Variants in GNG7 observed in about 807,000 individuals in gnomAD.
GNG7 encodes the protein guanine nucleotide-binding protein G(I)/G(S)/G(O) subunit gamma-7.
In GNG7, 1 loss-of-function variant was observed where a neutral mutation model predicts 4.0. That is an observed-to-expected ratio of 0.25 (90% CI 0.09 to 1.18). GNG7 has a LOEUF of 1.18. GNG7 is among the 50% of genes most tolerant of loss of function. The pLI is 0.50. For synonymous variants in GNG7, 34 were observed against 36.9 expected (o/e 0.92, Z 0.29); for missense variants, 86 against 91.9 (o/e 0.94, Z 0.26).
chr19:2,655,188 CAAA>C (rs57555514), intron 1 of GNG7, among the ~76,000 whole-genome samples: 1 of 59,934 alleles, frequency 1.7e-5, no homozygotes. Flanking sequence ...GACTCTGTCT[CAAA>C]AAAAAAAAAA....
rs989438150 is a variant in GNG7 at position 2,626,342 on chromosome 19, CT to C, written c.-78+19881del. Among the ~76,000 whole-genome samples the C allele has an allele frequency of 1.1e-4, 16 of 152,336 alleles. No individual in the cohort carries two copies. Among genetic ancestry groups the C allele is most frequent in the Admixed American group, 9.8e-4 (15 of 15,304 alleles). On this transcript the variant is annotated intron_variant, in intron 2 of 4. Coordinates refer to ENST00000382159, the MANE Select transcript of GNG7 (RefSeq NM_052847.3). The surrounding 1 kb of genome is among the most constrained non-coding windows in gnomAD (Gnocchi z 5.0). Reference sequence around the variant, plus strand: ...AGGAGGCTGGGGCATCTCTCACCCCCTCTGTGCCTCAGTTTCCTAATCTGTC... The same window carrying C: ...AGGAGGCTGGGGCATCTCTCACCCCCCTGTGCCTCAGTTTCCTAATCTGTC...
At chr19:2,524,916 G>C (rs1196395757) in intron 3 of GNG7, among the ~76,000 whole-genome samples, 1 of 152,202 alleles carries the variant, frequency 6.6e-6, no homozygotes, top group East Asian at 1.9e-4. Context: ...GTGCGTGTGT[G>C]TGCGCACGGG....
intron 3 of GNG7, among the ~76,000 whole-genome samples, chr19:2,540,084 C>G (rs1252169301): frequency 2.3e-5 from 3 of 132,092 alleles, no homozygotes; most frequent in Non-Finnish European, 4.8e-5. Flanking sequence ...CTCTCTCTCT[C>G]TCTCTGTTTC....
In GNG7 at chr19:2,568,050, TAC is replaced by T. The variant is rs1213512385; in HGVS notation, c.-77-12864_-77-12863del. Among the ~76,000 whole-genome samples the T allele has an allele frequency of 1.6e-4, 24 of 151,092 alleles. No individual in the cohort carries two copies. The East Asian group carries it at 4.5e-3, about 28-fold the overall frequency. ...AAGCACACATGCACACACGTGCAGA[TAC>T]ACACACATATAGACATACACACATA... On this transcript the variant is annotated intron_variant, in intron 2 of 4. Coordinates refer to ENST00000382159, the MANE Select transcript of GNG7 (RefSeq NM_052847.3).
chr19:2,639,000 G>A (rs1335625300), intron 2 of GNG7, among the ~76,000 whole-genome samples: 1 of 152,116 alleles, frequency 6.6e-6, no homozygotes, highest in African/African-American at 2.4e-5. Context: ...ATTTTGGGAG[G>A]CTGAGGCAGA....
At chr19:2,577,695 C>T (rs1373125523) in intron 2 of GNG7, among the ~76,000 whole-genome samples, 2 of 47,226 alleles carry the variant, frequency 4.2e-5, no homozygotes, top group African/African-American at 1.1e-4. Flanking sequence ...AGCAAGATTC[C>T]ATCTCAAAAA....
In GNG7 at chr19:2,567,490, A is replaced by G. The variant is rs912029472; in HGVS notation, c.-77-12302T>C. 2.0e-4 allele frequency among the ~76,000 whole-genome samples: 31 copies of G among 151,954 alleles called. 1 individual carries two copies. Among genetic ancestry groups the G allele is most frequent in the Non-Finnish European group, 4.1e-4 (28 of 67,968 alleles). On this transcript the variant is annotated intron_variant, in intron 2 of 4. Coordinates refer to ENST00000382159, the MANE Select transcript of GNG7 (RefSeq NM_052847.3). Reference sequence around the variant, plus strand: ...ACAGGTGCACACTACCACACCAGCTAATTTTTGCATTTTTTTGTATAGATG... The same window carrying G: ...ACAGGTGCACACTACCACACCAGCTGATTTTTGCATTTTTTTGTATAGATG...
At chr19:2,552,504 C>A (rs529407150) in intron 3 of GNG7, among the ~76,000 whole-genome samples, 46 of 152,196 alleles carry the variant, frequency 3.0e-4, no homozygotes, top group African/African-American at 1.1e-3. Flanking sequence ...CCTACCTCAG[C>A]CTCCCAAGTA....
chr19:2,537,047 C>T (rs554937274), intron 3 of GNG7, among the ~76,000 whole-genome samples: 152 of 150,830 alleles, frequency 1.0e-3, no homozygotes, highest in Non-Finnish European at 1.4e-3. Context: ...CCCGGGTTCA[C>T]GCCATTCTCC....
chr19:2,614,063 G>A lies in GNG7; in HGVS notation c.-78+32161C>T, dbSNP rs1981651416. Among the ~76,000 whole-genome samples, 2 of 152,208 alleles carry A rather than the reference G, an allele frequency of 1.3e-5. No individual in the cohort carries two copies. The highest frequency in any genetic ancestry group is 2.4e-5 in the African/African-American group (1 of 41,454). On this transcript the variant is annotated intron_variant, in intron 2 of 4. Transcript: ENST00000382159. This position sits in a 1 kb window ranked among gnomAD's most constrained non-coding sequence, Gnocchi z 6.0. ...CCCCGCGCCTACCCCCGGGGTAAAGGGGGCCAGCCTCGCACAGGTGGGTCC... is the reference window on the plus strand; with the variant it reads ...CCCCGCGCCTACCCCCGGGGTAAAGAGGGCCAGCCTCGCACAGGTGGGTCC...
chr19:2,591,904 G>A (rs1276741536), intron 2 of GNG7, among the ~76,000 whole-genome samples: 2 of 152,098 alleles, frequency 1.3e-5, no homozygotes, highest in African/African-American at 4.8e-5. Flanking sequence ...TCACATAACT[G>A]GCTGGCAAAA....
intron 2 of GNG7, among the ~76,000 whole-genome samples, chr19:2,606,453 G>A (rs183157782): frequency 2.0e-5 from 3 of 152,022 alleles, no homozygotes; most frequent in Admixed American, 1.3e-4. Context: ...TCAGGAGTTC[G>A]AGACCAGCCT....
chr19:2,678,979 T>A (rs1568282755), intron 1 of GNG7, among the ~76,000 whole-genome samples: 1 of 152,102 alleles, frequency 6.6e-6, no homozygotes, highest in Non-Finnish European at 1.5e-5. Context: ...AAGAACAGAC[T>A]TCATCGTTTT....
At chr19:2,547,114 C>T (rs542177125) in intron 3 of GNG7, among the ~76,000 whole-genome samples, 1 of 151,792 alleles carries the variant, frequency 6.6e-6, no homozygotes, top group Non-Finnish European at 1.5e-5. Context: ...TGCAAAGCCC[C>T]ACCGATGTCA....
In GNG7 at chr19:2,657,358, AAAAATATATATATATATATATAT is replaced by A. The variant is rs1219685045; in HGVS notation, c.-134-11101_-134-11079del. 4.3e-4 allele frequency among the ~76,000 whole-genome samples: 9 copies of A among 21,060 alleles called. 1 individual carries two copies. Among genetic ancestry groups the A allele is most frequent in the South Asian group, 3.0e-3 (1 of 336 alleles). 13.8% of individuals were successfully genotyped at this position (21,060 alleles called of 152,430 possible). A position where few individuals can be genotyped will look rare whatever the true frequency, so the allele number is the denominator to read the frequency against. The stretch of plus-strand genomic sequence containing the variant: ...CAATTAAAAAAAAAAAAAAAAAAAA[AAAAATATATATATATATATATAT>A]ATATATATATATATATATACACATA... On this transcript the variant is annotated intron_variant, in intron 1 of 4. Coordinates refer to ENST00000382159, the MANE Select transcript of GNG7 (RefSeq NM_052847.3).
At position 2,512,514 on chromosome 19, in the gene GNG7, CT is replaced by C; in HGVS notation, c.*2507del. 3.5e-6 allele frequency: 1 copy of C among 287,834 alleles called. No homozygotes were observed. The highest frequency in any genetic ancestry group is 5.2e-6 in the Non-Finnish European group (1 of 192,156). The allele number at this position is 287,834 out of a possible 1,614,324, so 17.8% of individuals were successfully genotyped here. On this transcript the variant is annotated 3_prime_UTR_variant, in exon 5 of 5. Transcript: ENST00000382159. This position sits in a 1 kb window ranked among gnomAD's most constrained non-coding sequence, Gnocchi z 4.7. Reference sequence around the variant, plus strand: ...ACAGTGAAGGAGAGGCCAGCCTGTCCTTCCCCTCCCCGAGCCTCAGTTTACC... The same window carrying C: ...ACAGTGAAGGAGAGGCCAGCCTGTCCTCCCCTCCCCGAGCCTCAGTTTACC...
chr19:2,644,709 G>T (rs1982619593), intron 2 of GNG7, among the ~76,000 whole-genome samples: 1 of 151,990 alleles, frequency 6.6e-6, no homozygotes, highest in Non-Finnish European at 1.5e-5. Context: ...TTGTAGAAAG[G>T]GGATCACATG....
intron 2 of GNG7, among the ~76,000 whole-genome samples, chr19:2,563,226 G>T (rs1979801156): frequency 6.6e-6 from 1 of 152,138 alleles, no homozygotes; most frequent in South Asian, 2.1e-4. Flanking sequence ...GGGATTACAG[G>T]TGTGAGCCAC....
At chr19:2,559,351 CTTTTTT>C (rs551861647) in intron 2 of GNG7, among the ~76,000 whole-genome samples, 1 of 130,254 alleles carries the variant, frequency 7.7e-6, no homozygotes, top group Admixed American at 7.8e-5. Flanking sequence ...TTCTGTGTGT[CTTTTTT>C]TTTTTTTTTT....
Sources: gnomAD v4.1 joint callset for allele counts (sites outside exome capture counted in the v4.1 genomes callset) on GRCh38, gnomAD v4.1.1 for gene constraint, Gnocchi (gnomAD v3.1) non-coding constraint, MANE v1.5 for transcripts, NCBI Gene and HGNC (gene_info 2026-07-23, HGNC 2026-07-21) for gene names.